The following LARS2 variants were observed in gnomAD, a reference collection of about 807,000 sequenced individuals.
LARS2 encodes the protein leucine--tRNA ligase, mitochondrial.
In LARS2, 81 loss-of-function variants were observed where a neutral mutation model predicts 116.6. That is an observed-to-expected ratio of 0.69 (90% CI 0.58 to 0.84). LARS2 has a LOEUF of 0.84. Among genes scored for constraint, LARS2 ranks in the 40% least tolerant of loss-of-function variants. The pLI, the probability that LARS2 is intolerant of heterozygous loss-of-function variation, is 0.00. For synonymous variants in LARS2, 396 were observed against 407.2 expected (o/e 0.97, Z 0.33); for missense variants, 968 against 1,114.5 (o/e 0.87, Z 1.87).
At chr3:45,446,560 T>A (rs1357427733) in intron 6 of LARS2, among the ~76,000 whole-genome samples, 1 of 152,234 alleles carries the variant, frequency 6.6e-6, no homozygotes, top group African/African-American at 2.4e-5. Context: ...CCCCAGTGTA[T>A]GTTTGTGCTG....
chr3:45,499,316 T>C lies in LARS2; in HGVS notation c.1623-1126T>C, dbSNP rs550044049. Among the ~76,000 whole-genome samples, 10 of 152,180 alleles carry C rather than the reference T, an allele frequency of 6.6e-5. No individual in the cohort carries two copies. The East Asian group carries it at 1.9e-3, about 29-fold the overall frequency. On this transcript the variant is annotated intron_variant, in intron 14 of 21. Coordinates refer to ENST00000645846, the MANE Select transcript of LARS2 (RefSeq NM_015340.4). ...AATTAGCCTGGTGTGGTGTCAGGCA[T>C]CTGTAATCCCAGCTACTCAGGAGGC...
chr3:45,448,729 T>C (rs1298195290), intron 7 of LARS2, among the ~76,000 whole-genome samples: 2 of 152,262 alleles, frequency 1.3e-5, no homozygotes, highest in Non-Finnish European at 2.9e-5. Flanking sequence ...GAGCATGTTC[T>C]TAAGGCACAG....
chr3:45,432,074 G>A (rs1698726108), intron 6 of LARS2, among the ~76,000 whole-genome samples: 1 of 151,988 alleles, frequency 6.6e-6, no homozygotes, highest in Non-Finnish European at 1.5e-5. Flanking sequence ...ACAAAGAAGA[G>A]CATTATAAAT....
At chr3:45,392,601 A>AG (rs1466208748) in intron 2 of LARS2, among the ~76,000 whole-genome samples, 1 of 151,642 alleles carries the variant, frequency 6.6e-6, no homozygotes, top group Non-Finnish European at 1.5e-5. Context: ...GGCCTAAGAG[A>AG]GATTTTTTTT....
At chr3:45,520,164 G>A in intron 18 of LARS2, 55 bp from the exon 19 acceptor site, 1 of 1,251,778 alleles carries the variant, frequency 8.0e-7, no homozygotes, top group Non-Finnish European at 1.2e-6. Context: ...CAGTCTTTTT[G>A]TGGAAAGCTT....
At chr3:45,493,656 C>G (rs1224495373) in intron 13 of LARS2, among the ~76,000 whole-genome samples, 1 of 152,160 alleles carries the variant, frequency 6.6e-6, no homozygotes, top group African/African-American at 2.4e-5. Context: ...TTCTGCGGTA[C>G]TTGGCTCAGT....
intron 15 of LARS2, among the ~76,000 whole-genome samples, chr3:45,507,215 A>C (rs936015563): frequency 6.6e-6 from 1 of 151,826 alleles, no homozygotes; most frequent in African/African-American, 2.4e-5. Context: ...TGGGCAACAC[A>C]GCAAGACCCC....
chr3:45,437,632 A>C (rs2138210), intron 6 of LARS2, among the ~76,000 whole-genome samples: 135,511 of 152,202 alleles, frequency 0.89, 62,387 homozygotes, highest in East Asian at 1. Context: ...GCTGGCTGGG[A>C]CTATAGATGA....
chr3:45,538,822 G>A (rs1438693243), intron 20 of LARS2, among the ~76,000 whole-genome samples: 2 of 152,174 alleles, frequency 1.3e-5, no homozygotes. Context: ...CAGAGCGGTC[G>A]GTGGAACTCT....
At position 45,415,847 on chromosome 3, in the gene LARS2, CAAAAAA is replaced by C. The variant is rs386396517; in HGVS notation, c.364-1626_364-1621del. 4.0e-4 allele frequency among the ~76,000 whole-genome samples: 36 copies of C among 90,464 alleles called. 1 individual carries two copies. Among genetic ancestry groups the C allele is most frequent in the African/African-American group, 1.2e-3 (29 of 23,600 alleles). 59.3% of individuals were successfully genotyped at this position (90,464 alleles called of 152,430 possible). ...TGGGCAACAGAGCAAGACTCCATCT[CAAAAAA>C]AAAAAAAATATATATATATATATAG... On this transcript the variant is annotated intron_variant, in intron 4 of 21. Coordinates refer to ENST00000645846, the MANE Select transcript of LARS2 (RefSeq NM_015340.4).
chr3:45,452,024 T>C (rs1699136935), intron 7 of LARS2, among the ~76,000 whole-genome samples: 1 of 152,196 alleles, frequency 6.6e-6, no homozygotes, highest in African/African-American at 2.4e-5. Context: ...TGCTGATTTC[T>C]GTGTGTTGAT....
intron 20 of LARS2, chr3:45,541,563 T>C (rs953414203): frequency 1.8e-5 from 8 of 441,780 alleles, no homozygotes; most frequent in Non-Finnish European, 3.2e-5. Flanking sequence ...ATCAGCAGCC[T>C]TGTTTTTCCA....
In LARS2 at chr3:45,410,308, C is replaced by CT. The variant is rs35327145; in HGVS notation, c.364-7157dup. Among the ~76,000 whole-genome samples, 161 of 135,764 alleles carry CT rather than the reference C, an allele frequency of 1.2e-3. 1 individual carries two copies. The East Asian group carries it at 0.013, about 11-fold the overall frequency. 89.1% of individuals were successfully genotyped at this position (135,764 alleles called of 152,430 possible). A position where few individuals can be genotyped will look rare whatever the true frequency, so the allele number is the denominator to read the frequency against. On this transcript the variant is annotated intron_variant, in intron 4 of 21. Transcript: ENST00000645846. ...CTGCCCATATCCCCAGCATTGGATT[C>CT]TTTTTTTTTTTTTTTTTGCTCTTGA...
At chr3:45,504,411 A>G (rs1183923789) in intron 15 of LARS2, among the ~76,000 whole-genome samples, 2 of 152,082 alleles carry the variant, frequency 1.3e-5, no homozygotes, top group Non-Finnish European at 2.9e-5. Context: ...GACTCTGCAC[A>G]TGCATGCATG....
intron 15 of LARS2, among the ~76,000 whole-genome samples, chr3:45,508,078 G>A (rs1269624064): frequency 6.6e-6 from 1 of 152,032 alleles, no homozygotes; most frequent in African/African-American, 2.4e-5. Context: ...GGAGACCGCT[G>A]TAAACATGGA....
intron 20 of LARS2, among the ~76,000 whole-genome samples, chr3:45,533,715 C>G (rs949600052): frequency 6.6e-6 from 1 of 152,180 alleles, no homozygotes; most frequent in Admixed American, 6.5e-5. Context: ...TCTACTCTGT[C>G]TAGGGTCCTT....
rs749931433 is a variant in LARS2 at position 45,491,654 on chromosome 3, C to A, written c.1377C>A (p.Ile459=). 5.0e-6 allele frequency: 8 copies of A among 1,614,216 alleles called. No homozygotes were observed. In the East Asian group the frequency reaches 1.8e-4, roughly 36 times the overall value. The change falls in exon 13 of 22, where the codon ATC becomes ATA. Residue 459 remains isoleucine, a synonymous_variant. Coordinates refer to ENST00000645846, the MANE Select transcript of LARS2 (RefSeq NM_015340.4). ...GGCAGCGGTACTGGGGCACACCAAT[C>A]CCCATTGTCCACTGCCCAGTCTGTG... is the stretch of plus-strand genomic sequence containing the variant. The part of the protein sequence containing the change: ...ISRQRYWGTP[I]PIVHCPVCGP...
At chr3:45,452,905 G>A (rs1699156493) in intron 7 of LARS2, among the ~76,000 whole-genome samples, 2 of 152,108 alleles carry the variant, frequency 1.3e-5, no homozygotes, top group South Asian at 2.1e-4. Flanking sequence ...TAGGTTGTGT[G>A]TGTGTCCAGG....
intron 20 of LARS2, chr3:45,538,441 T>C (rs1191203520): frequency 6.6e-6 from 1 of 152,238 alleles, no homozygotes; most frequent in Non-Finnish European, 1.5e-5. Context: ...AAAGAAGTGA[T>C]GATCTCTCTT....
Sources: allele counts gnomAD v4.1 joint callset (sites outside exome capture counted in the v4.1 genomes callset), GRCh38; gene constraint gnomAD v4.1.1; transcripts MANE v1.5; gene names NCBI Gene and HGNC (gene_info 2026-07-23, HGNC 2026-07-21).